KBTBD3: variants seen among roughly 807,000 people sequenced by gnomAD.
KBTBD3 encodes kelch repeat and BTB domain-containing protein 3.
A neutral mutation model predicts 49.6 loss-of-function variants in KBTBD3; 38 were observed. The ratio of observed to expected loss-of-function variants is 0.77; its 90% confidence interval spans 0.59 to 1.00. The LOEUF is 1.00. Among genes scored for constraint, KBTBD3 ranks in the 50% least tolerant of loss-of-function variants. The probability of loss-of-function intolerance (pLI) is 0.00; values close to 1 mark genes in which losing one functional copy is unlikely to be tolerated. For synonymous variants in KBTBD3, 214 were observed against 250.4 expected, an observed-to-expected ratio of 0.85 and a Z score of 1.37; for missense variants, 661 against 712.0, an observed-to-expected ratio of 0.93 and a Z score of 0.81.
intron 3 of KBTBD3, among the ~76,000 whole-genome samples, chr11:106,056,778 G>A (rs944913631): frequency 2.6e-5 from 4 of 152,056 alleles, no homozygotes; most frequent in Non-Finnish European, 5.9e-5. Flanking sequence ...TTAGATTTAG[G>A]GCATATGTAT....
At chr11:106,069,538 ACG>A (rs1454118271) in intron 2 of KBTBD3, among the ~76,000 whole-genome samples, 2 of 151,992 alleles carry the variant, frequency 1.3e-5, no homozygotes, top group African/African-American at 4.8e-5. Context: ...AGAAATACTT[ACG>A]TATAAATCTA....
At chr11:106,071,073 T>A (rs1263385235) in intron 2 of KBTBD3, among the ~76,000 whole-genome samples, 1 of 152,130 alleles carries the variant, frequency 6.6e-6, no homozygotes, top group South Asian at 2.1e-4. Flanking sequence ...CAACTTCTTG[T>A]GTAATTATTT....
chr11:106,055,103 G>C (rs775022460), intron 3 of KBTBD3, among the ~76,000 whole-genome samples: 10 of 152,090 alleles, frequency 6.6e-5, no homozygotes, highest in Non-Finnish European at 1.2e-4. Context: ...TTGGTAATAG[G>C]CACTGAGAGA....
At chr11:106,068,053 GC>G (rs201650930) in intron 2 of KBTBD3, among the ~76,000 whole-genome samples, 4,629 of 151,016 alleles carry the variant, frequency 0.031, 224 homozygotes, top group African/African-American at 0.11. Context: ...GAGAAGACTA[GC>G]AGTCAAAAAT....
chr11:106,053,565 C>A lies in KBTBD3; in HGVS notation c.1124G>T (p.Cys375Phe), dbSNP rs1860476262. 6.2e-7 allele frequency: 1 copy of A among 1,613,792 alleles called. No homozygotes were observed. Among genetic ancestry groups the A allele is most frequent in the East Asian group, 2.2e-5 (1 of 44,864 alleles). The change falls in exon 4 of 4, where the codon TGC becomes TTC. Residue 375 changes from cysteine to phenylalanine, a missense_variant. Cys to Phe is a radical substitution (Grantham distance 205). Transcript: ENST00000531837. Reference protein sequence around the residue: ...SYHDATDQTWCYCPVKNDFFL... With the variant: ...SYHDATDQTWFYCPVKNDFFL... ...GAAATCATTTTTCACTGGACAGTAG[C>A]ACCAGGTTTGATCAGTGGCATCATG...
rs751877663 is a variant in KBTBD3, at chr11:106,054,439, T to C, written c.250A>G (p.Asn84Asp). 1.3e-6 allele frequency: 2 copies of C among 1,559,216 alleles called. No individual in the cohort carries two copies. Among genetic ancestry groups the C allele is most frequent in the South Asian group, 2.5e-5 (2 of 81,490 alleles). ...SDFFRAMFEVNMKERDDGSVT... is the reference protein window; with the variant it reads ...SDFFRAMFEVDMKERDDGSVT... ...CTTCCATCATCTCTTTCTTTCATGTTTACTTCAAACATAGCCCTGCAAAAA... is the reference window on the plus strand; with the variant it reads ...CTTCCATCATCTCTTTCTTTCATGTCTACTTCAAACATAGCCCTGCAAAAA... The change falls in exon 4 of 4, where the codon AAC becomes GAC. Residue 84 changes from asparagine (N) to aspartate (D), a missense_variant. Coordinates refer to ENST00000531837, the MANE Select transcript of KBTBD3 (RefSeq NM_198439.3).
chr11:106,059,729 T>C (rs1439519136), intron 2 of KBTBD3, among the ~76,000 whole-genome samples: 2 of 152,192 alleles, frequency 1.3e-5, no homozygotes, highest in African/African-American at 4.8e-5. Context: ...AAAGATTTTT[T>C]AAACATGAGG....
intron 2 of KBTBD3, among the ~76,000 whole-genome samples, chr11:106,069,082 CA>C (rs570989176): frequency 3.9e-4 from 59 of 152,176 alleles, no homozygotes; most frequent in African/African-American, 1.3e-3. Flanking sequence ...GAAAAATCTA[CA>C]AAAAACCTAT....
At chr11:106,066,733 TA>T (rs34578169) in intron 2 of KBTBD3, among the ~76,000 whole-genome samples, 107,432 of 140,754 alleles carry the variant, frequency 0.76, 42,060 homozygotes, top group Non-Finnish European at 0.87. Flanking sequence ...TAATCCCTAT[TA>T]AAAAAAAAAA....
At chr11:106,076,084 CAAG>C (rs1486962014) in intron 2 of KBTBD3, 1 of 152,092 alleles carries the variant, frequency 6.6e-6, no homozygotes, top group Non-Finnish European at 1.5e-5. Flanking sequence ...TTTAAAACGA[CAAG>C]AAGGAAAGGT....
At chr11:106,056,968 C>G (rs1860565845) in intron 3 of KBTBD3, among the ~76,000 whole-genome samples, 1 of 152,132 alleles carries the variant, frequency 6.6e-6, no homozygotes, top group African/African-American at 2.4e-5. Context: ...CAGGGAAGTT[C>G]AAAGAACAAC....
chr11:106,075,443 C>T (rs1861007806), intron 2 of KBTBD3: 2 of 152,170 alleles, frequency 1.3e-5, no homozygotes, highest in African/African-American at 4.8e-5. Context: ...ATGACATTCC[C>T]TCTCAAGTAC....
intron 3 of KBTBD3, among the ~76,000 whole-genome samples, chr11:106,054,782 T>C (rs1321681400): frequency 1.3e-5 from 2 of 152,016 alleles, no homozygotes; most frequent in Non-Finnish European, 2.9e-5. Flanking sequence ...GCCAAATTTC[T>C]TTATTTATGG....
Position 106,053,398 on chromosome 11 carries a change from A to G in KBTBD3, c.1291T>C (p.Ser431Pro). ...LLDVESYNPL[S>P]KEWISVSPLP... is the part of the protein sequence containing the mutation. ...GGGCTAACAGATATCCATTCTTTGG[A>G]AAGAGGATTGTAAGATTCAACATCT... The change falls in exon 4 of 4, where the codon TCC becomes CCC. Residue 431 changes from serine to proline, a missense_variant. Ser to Pro is a moderately conservative substitution (Grantham distance 74). Coordinates refer to ENST00000531837, the MANE Select transcript of KBTBD3 (RefSeq NM_198439.3). 6.2e-7 allele frequency: 1 copy of G among 1,613,386 alleles called. No individual in the cohort carries two copies. The highest frequency in any genetic ancestry group is 1.1e-5 in the South Asian group (1 of 91,052).
chr11:106,069,590 A>G (rs867038783), intron 2 of KBTBD3, among the ~76,000 whole-genome samples: 2 of 151,848 alleles, frequency 1.3e-5, no homozygotes, highest in Middle Eastern at 3.4e-3. Flanking sequence ...AAAATATAAA[A>G]TGCTAAAAAA....
chr11:106,054,524 T>A, intron 3 of KBTBD3, 69 bp from the exon 4 acceptor site: 1 of 1,236,442 alleles, frequency 8.1e-7, no homozygotes, highest in Non-Finnish European at 1.1e-6. Flanking sequence ...AATATTACCT[T>A]AAAGAGGTTT....
chr11:106,075,626 T>C (rs1219357814), intron 2 of KBTBD3: 2 of 152,158 alleles, frequency 1.3e-5, no homozygotes, highest in African/African-American at 4.8e-5. Context: ...CTCTGGAGAA[T>C]TTGTAAAACC....
chr11:106,051,843 C>T lies in KBTBD3; in HGVS notation c.*1007G>A, dbSNP rs1413113707. On this transcript the variant is annotated 3_prime_UTR_variant, in exon 4 of 4. Coordinates refer to ENST00000531837, the MANE Select transcript of KBTBD3 (RefSeq NM_198439.3). ...ATAATTTACTGAAGTAGTAAACCAA[C>T]ATAGTGCTTTATAGTTGGTATACAT... 1 of 151,726 alleles carries T rather than the reference C, an allele frequency of 6.6e-6. No homozygotes were observed. The highest frequency in any genetic ancestry group is 2.4e-5 in the African/African-American group (1 of 41,364). 9.4% of individuals were successfully genotyped at this position (151,726 alleles called of 1,614,324 possible). A position where few individuals can be genotyped will look rare whatever the true frequency, so the allele number is the denominator to read the frequency against.
intron 3 of KBTBD3, 189 bp downstream of exon 3, chr11:106,058,676 G>C (rs1218903804): frequency 1.7e-5 from 9 of 525,622 alleles, no homozygotes; most frequent in Non-Finnish European, 2.9e-5. Flanking sequence ...CGCCCGCCTT[G>C]GCCTCTTAGG....
Sources: allele counts gnomAD v4.1 joint callset (sites outside exome capture counted in the v4.1 genomes callset), GRCh38; gene constraint gnomAD v4.1.1; transcripts MANE v1.5; gene names NCBI Gene and HGNC (gene_info 2026-07-23, HGNC 2026-07-21).